RTN1: variants seen among roughly 807,000 people sequenced by gnomAD.
RTN1 encodes the protein reticulon-1.
Under a neutral mutation model 65.5 loss-of-function variants are expected in RTN1, and 25 were observed. The ratio of observed to expected loss-of-function variants is 0.38; its 90% confidence interval spans 0.28 to 0.53. RTN1 has a LOEUF of 0.53. Ranked by LOEUF, RTN1 falls within the 20% of genes least tolerant of loss-of-function variation. The pLI is 0.79. For synonymous variants in RTN1, 471 were observed against 447.6 expected (o/e 1.05, Z -0.66); for missense variants, 983 against 1,025.4 (o/e 0.96, Z 0.57).
At chr14:59,734,796 A>G (rs1413912959) in intron 2 of RTN1, among the ~76,000 whole-genome samples, 5 of 152,244 alleles carry the variant, frequency 3.3e-5, no homozygotes, top group Admixed American at 6.5e-5. Flanking sequence ...GAATAGAACC[A>G]AGTTGGAAAA....
intron 1 of RTN1, among the ~76,000 whole-genome samples, chr14:59,824,381 G>C (rs1168231580): frequency 6.6e-6 from 1 of 152,176 alleles, no homozygotes; most frequent in Non-Finnish European, 1.5e-5. Flanking sequence ...GTGGACCTTT[G>C]CTAATACTGT....
chr14:59,788,827 T>G (rs1886297377), intron 1 of RTN1, among the ~76,000 whole-genome samples: 2 of 152,162 alleles, frequency 1.3e-5, no homozygotes, highest in African/African-American at 4.8e-5. Context: ...ATGGGTTTAT[T>G]TTTCCAGATG....
rs534234949 is a variant in RTN1, at chr14:59,870,252, C to T, written c.241+138G>A. 2.7e-4 allele frequency: 222 copies of T among 812,780 alleles called. 1 individual carries two copies. The South Asian group carries it at 7.9e-3, about 29-fold the overall frequency. The allele number at this position is 812,780 out of a possible 1,614,324, so 50.3% of individuals were successfully genotyped here. A position where few individuals can be genotyped will look rare whatever the true frequency, so the allele number is the denominator to read the frequency against. On this transcript the variant is annotated intron_variant, in intron 1 of 8. Coordinates refer to ENST00000267484, the MANE Select transcript of RTN1 (RefSeq NM_021136.3). This position sits in a 1 kb window ranked among gnomAD's most constrained non-coding sequence, Gnocchi z 5.1. Reference sequence around the variant, plus strand: ...ACCAGCCCGCGAATATTCCCAGTCGCCCGTGGCGACGCGGGGGTGGGGTCG... The same window carrying T: ...ACCAGCCCGCGAATATTCCCAGTCGTCCGTGGCGACGCGGGGGTGGGGTCG...
intron 1 of RTN1, among the ~76,000 whole-genome samples, chr14:59,747,683 G>A (rs1885257239): frequency 2.0e-5 from 3 of 152,170 alleles, no homozygotes; most frequent in South Asian, 2.1e-4. Context: ...CTACCAGAAG[G>A]TATGAAAACC....
chr14:59,749,616 T>C (rs1885376450), intron 1 of RTN1, among the ~76,000 whole-genome samples: 6 of 57,786 alleles, frequency 1.0e-4, no homozygotes, highest in East Asian at 4.5e-4. Context: ...TATATATTTA[T>C]ATAGATATCT....
chr14:59,677,732 G>C (rs1883658242), intron 3 of RTN1, among the ~76,000 whole-genome samples: 1 of 152,146 alleles, frequency 6.6e-6, no homozygotes, highest in African/African-American at 2.4e-5. Context: ...GCTTTCTCTT[G>C]AGTAGATTCA....
chr14:59,606,851 C>A (rs1881773024), intron 4 of RTN1, among the ~76,000 whole-genome samples: 1 of 152,100 alleles, frequency 6.6e-6, no homozygotes, highest in Non-Finnish European at 1.5e-5. Context: ...TGTTAAACTT[C>A]TAGAGAAAGC....
At chr14:59,815,128 C>G (rs540094402) in intron 1 of RTN1, among the ~76,000 whole-genome samples, 4 of 152,318 alleles carry the variant, frequency 2.6e-5, no homozygotes, top group African/African-American at 9.6e-5. Flanking sequence ...CCTATTTACT[C>G]TGAAAAATGA....
chr14:59,804,584 G>A (rs754122717), intron 1 of RTN1, among the ~76,000 whole-genome samples: 7 of 152,102 alleles, frequency 4.6e-5, no homozygotes, highest in African/African-American at 9.7e-5. Flanking sequence ...CCTAGAGTCC[G>A]AAAAAGTCAC....
At chr14:59,606,123 T>TAA (rs1881743475) in intron 4 of RTN1, 1 of 103,600 alleles carries the variant, frequency 9.7e-6, no homozygotes, top group Non-Finnish European at 1.9e-5. Context: ...TATATATATA[T>TAA]ATATCATACC....
intron 1 of RTN1, among the ~76,000 whole-genome samples, chr14:59,827,900 G>T (rs1444146892): frequency 2.6e-5 from 4 of 152,210 alleles, no homozygotes; most frequent in African/African-American, 7.2e-5. Flanking sequence ...AGAAGCTGCA[G>T]CCTATGTACA....
At chr14:59,602,552 A>G (rs1881612401) in intron 8 of RTN1, among the ~76,000 whole-genome samples, 1 of 152,104 alleles carries the variant, frequency 6.6e-6, no homozygotes, top group South Asian at 2.1e-4. Context: ...TTAAACACAT[A>G]CACACAGTTG....
At chr14:59,726,301 A>C (rs776835662) in intron 3 of RTN1, among the ~76,000 whole-genome samples, 6 of 152,252 alleles carry the variant, frequency 3.9e-5, no homozygotes, top group Non-Finnish European at 5.9e-5. Flanking sequence ...AAGAGACTTT[A>C]AAAGTGAATG....
At position 59,749,699 on chromosome 14, in the gene RTN1, CTA is replaced by C. The variant is rs1242886771; in HGVS notation, c.242-3220_242-3219del. Among the ~76,000 whole-genome samples the C allele has an allele frequency of 1.6e-4, 11 of 69,632 alleles. 2 individuals carry two copies. Among genetic ancestry groups the C allele is most frequent in the African/African-American group, 2.7e-4 (4 of 14,942 alleles). The allele number at this position is 69,632 out of a possible 152,430, so 45.7% of individuals were successfully genotyped here. On this transcript the variant is annotated intron_variant, in intron 1 of 8. Transcript: ENST00000267484. ...TATATCTATATATTTACATATATATCTATATATATCTATATATTTATATATCT... is the reference window on the plus strand; with the variant it reads ...TATATCTATATATTTACATATATATCTATATATCTATATATTTATATATCT...
chr14:59,666,664 T>C (rs1883382187), intron 3 of RTN1, among the ~76,000 whole-genome samples: 1 of 151,904 alleles, frequency 6.6e-6, no homozygotes, highest in East Asian at 1.9e-4. Context: ...GATGGTTTTT[T>C]CAAAAGATCA....
At chr14:59,818,348 C>T (rs6573285) in intron 1 of RTN1, among the ~76,000 whole-genome samples, 23,206 of 152,130 alleles carry the variant, frequency 0.15, 2,135 homozygotes, top group South Asian at 0.27. Flanking sequence ...ATTTCTCTAC[C>T]ACTAGAAAGC....
chr14:59,855,056 T>A (rs1342869768), intron 1 of RTN1, among the ~76,000 whole-genome samples: 1 of 152,172 alleles, frequency 6.6e-6, no homozygotes, highest in East Asian at 1.9e-4. Context: ...GAAGCCCCCA[T>A]CTGGACCAAT....
At chr14:59,669,911 T>C (rs1883466261) in intron 3 of RTN1, among the ~76,000 whole-genome samples, 1 of 152,350 alleles carries the variant, frequency 6.6e-6, no homozygotes, top group Admixed American at 6.5e-5. Context: ...AGACTCCTTG[T>C]TCCAGAGCAA....
intron 1 of RTN1, among the ~76,000 whole-genome samples, chr14:59,843,991 C>A (rs888052408): frequency 3.9e-5 from 6 of 152,116 alleles, no homozygotes; most frequent in Admixed American, 2.6e-4. Flanking sequence ...TTAATTTGCT[C>A]CATGAAAAAG....
Sources: allele counts gnomAD v4.1 joint callset (sites outside exome capture counted in the v4.1 genomes callset), GRCh38; gene constraint gnomAD v4.1.1; non-coding constraint Gnocchi (gnomAD v3.1); transcripts MANE v1.5; gene names NCBI Gene and HGNC (gene_info 2026-07-23, HGNC 2026-07-21).